The following MTURN variants were observed in gnomAD, a reference collection of about 807,000 sequenced individuals.
MTURN encodes the protein maturin.
In MTURN, 7 loss-of-function variants were observed where a neutral mutation model predicts 14.9. The observed-to-expected ratio is 0.47, with a 90% confidence interval of 0.27 to 0.88. The LOEUF (loss-of-function observed/expected upper bound fraction) is 0.88, where lower values mean the gene tolerates loss of function less well. Among genes scored for constraint, MTURN ranks in the 40% least tolerant of loss-of-function variants. The probability of loss-of-function intolerance (pLI) is 0.14; values close to 1 mark genes in which losing one functional copy is unlikely to be tolerated. For synonymous variants in MTURN, 69 were observed against 72.5 expected, an observed-to-expected ratio of 0.95 and a Z score of 0.25; for missense variants, 151 against 174.1, an observed-to-expected ratio of 0.87 and a Z score of 0.75.
Position 30,157,473 on chromosome 7 carries a change from T to G in MTURN, c.321T>G (p.Phe107Leu), listed in dbSNP as rs758423473. 1 of 1,606,100 alleles carries G rather than the reference T, an allele frequency of 6.2e-7. No homozygotes were observed. The highest frequency in any genetic ancestry group is 8.5e-7 in the Non-Finnish European group (1 of 1,176,746). Residue 107 changes from phenylalanine to leucine, a missense_variant, in exon 3 of 3, where the codon TTT becomes TTG. By Grantham distance (22) the Phe-to-Leu change is conservative. Coordinates refer to ENST00000324453, the MANE Select transcript of MTURN (RefSeq NM_152793.3). ...LGLPDADDDA[F>L]EEYSADVEEE... is the part of the protein sequence containing the mutation. ...TTCCGGATGCAGATGACGATGCGTT[T>G]GAAGAGTACAGTGCTGACGTGGAAG... is the stretch of plus-strand genomic sequence containing the variant.
intron 2 of MTURN, among the ~76,000 whole-genome samples, chr7:30,148,798 G>A (rs1462531088): frequency 6.6e-6 from 1 of 152,148 alleles, no homozygotes; most frequent in Non-Finnish European, 1.5e-5. Context: ...TTTGGGGTTG[G>A]TAATGTCAGA....
chr7:30,146,552 G>C (rs371929685), intron 2 of MTURN, among the ~76,000 whole-genome samples: 3 of 152,228 alleles, frequency 2.0e-5, no homozygotes, highest in South Asian at 4.2e-4. Flanking sequence ...TCCCTGATGG[G>C]GGGGGAAGCA....
chr7:30,149,565 C>T (rs894707916), intron 2 of MTURN, among the ~76,000 whole-genome samples: 2 of 152,136 alleles, frequency 1.3e-5, no homozygotes, highest in Non-Finnish European at 2.9e-5. Context: ...CACAGAGATC[C>T]CTGGAGAAAC....
rs762309400 is a variant in MTURN at position 30,135,227 on chromosome 7, A to T, written c.91A>T (p.Met31Leu). The T allele has an allele frequency of 4.6e-6, 7 of 1,518,358 alleles. 1 individual carries two copies. Among genetic ancestry groups the T allele is most frequent in the South Asian group, 2.4e-5 (2 of 82,636 alleles). 94.1% of individuals were successfully genotyped at this position (1,518,358 alleles called of 1,614,324 possible). ...LIATEETERR[M>L]DFYADPGVSF... ...CGCCACCGAGGAGACCGAACGCAGG[A>T]TGGATTTCTACGCCGACCCCGGCGT... The change falls in exon 1 of 3, where the codon ATG (methionine) becomes TTG (leucine). Residue 31 changes from methionine (M) to leucine (L), a missense_variant. Coordinates refer to ENST00000324453, the MANE Select transcript of MTURN (RefSeq NM_152793.3).
intron 1 of MTURN, among the ~76,000 whole-genome samples, chr7:30,137,016 C>T (rs778770350): frequency 1.3e-5 from 2 of 151,146 alleles, no homozygotes; most frequent in African/African-American, 2.5e-5. Flanking sequence ...AATATTAATG[C>T]CTGTAAGCCC....
intron 2 of MTURN, among the ~76,000 whole-genome samples, chr7:30,146,951 A>C (rs910697031): frequency 2.6e-5 from 4 of 152,208 alleles, no homozygotes; most frequent in Non-Finnish European, 5.9e-5. Flanking sequence ...TGGAAGATAA[A>C]GTCCCATCAC....
Position 30,159,013 on chromosome 7 carries a change from G to A in MTURN, c.*1465G>A, listed in dbSNP as rs1464568483. 4 of 152,106 alleles carry A rather than the reference G, an allele frequency of 2.6e-5. No homozygotes were observed. The highest frequency in any genetic ancestry group is 7.2e-5 in the African/African-American group (3 of 41,410). 9.4% of individuals were successfully genotyped at this position (152,106 alleles called of 1,614,324 possible). On this transcript the variant is annotated 3_prime_UTR_variant, in exon 3 of 3. Coordinates refer to ENST00000324453, the MANE Select transcript of MTURN (RefSeq NM_152793.3). The stretch of plus-strand genomic sequence containing the variant: ...ATGTCGGTGTAAACCTGATTGTCTC[G>A]ACATTTTCTGTTTAATTGATTGGTG...
chr7:30,146,549 T>TGG lies in MTURN; in HGVS notation c.285+257_285+258dup, dbSNP rs568761311. 4.6e-3 allele frequency among the ~76,000 whole-genome samples: 690 copies of TGG among 151,618 alleles called. 7 individuals carry two copies. Among genetic ancestry groups the TGG allele is most frequent in the African/African-American group, 0.016 (649 of 41,264 alleles). On this transcript the variant is annotated intron_variant, in intron 2 of 2. Transcript: ENST00000324453. ...CATCACTTGAGTTGAGAATCCCTGA[T>TGG]GGGGGGGGAAGCAAACAGATCCTTT...
chr7:30,146,911 T>A (rs961716444), intron 2 of MTURN, among the ~76,000 whole-genome samples: 14 of 152,242 alleles, frequency 9.2e-5, no homozygotes, highest in African/African-American at 2.9e-4. Context: ...ACTTCTATTT[T>A]GAAGATTACC....
chr7:30,157,673 T>G lies in MTURN; in HGVS notation c.*125T>G, dbSNP rs1797308342. ...GGACATCTGGCTCCCAGCATCCAAA[T>G]TAAAATGAAATACCTTTTTAACGAC... is the stretch of plus-strand genomic sequence containing the variant. On this transcript the variant is annotated 3_prime_UTR_variant, in exon 3 of 3. Transcript: ENST00000324453. 1 of 580,866 alleles carries G rather than the reference T, an allele frequency of 1.7e-6. No individual in the cohort carries two copies. The highest frequency in any genetic ancestry group is 1.9e-5 in the African/African-American group (1 of 51,502). The allele number at this position is 580,866 out of a possible 1,614,324, so 36.0% of individuals were successfully genotyped here. A position where few individuals can be genotyped will look rare whatever the true frequency, so the allele number is the denominator to read the frequency against.
Position 30,146,233 on chromosome 7 carries a change from C to T in MTURN, c.219C>T (p.Tyr73=), listed in dbSNP as rs920649851. 3 of 1,614,176 alleles carry T rather than the reference C, an allele frequency of 1.9e-6. No individual in the cohort carries two copies. Among genetic ancestry groups the T allele is most frequent in the East Asian group, 2.2e-5 (1 of 44,884 alleles). ...CTTTCTTGCAGCTAGCACAGGATTA[C>T]ATCTCCTCCTGCGGCAAGAAGACGC... The part of the protein sequence containing the change: ...CLPFLQLAQD[Y]ISSCGKKTLH... Residue 73 remains tyrosine, a synonymous_variant, in exon 2 of 3, where the codon TAC becomes TAT. Coordinates refer to ENST00000324453, the MANE Select transcript of MTURN (RefSeq NM_152793.3).
chr7:30,138,070 T>A lies in MTURN; in HGVS notation c.162+2772T>A, dbSNP rs190267345. 7.5e-4 allele frequency among the ~76,000 whole-genome samples: 114 copies of A among 152,296 alleles called. 1 individual carries two copies. The highest frequency in any genetic ancestry group is 2.6e-3 in the African/African-American group (108 of 41,560). Reference sequence around the variant, plus strand: ...TGGGTTTGCACCTCAGCTCCCCGTATTTGTGTGCCTTGGGAAAGTTATTTA... The same window carrying A: ...TGGGTTTGCACCTCAGCTCCCCGTAATTGTGTGCCTTGGGAAAGTTATTTA... On this transcript the variant is annotated intron_variant, in intron 1 of 2. Coordinates refer to ENST00000324453, the MANE Select transcript of MTURN (RefSeq NM_152793.3).
At chr7:30,153,410 T>G (rs1300949846) in intron 2 of MTURN, among the ~76,000 whole-genome samples, 1 of 152,182 alleles carries the variant, frequency 6.6e-6, no homozygotes, top group Non-Finnish European at 1.5e-5. Context: ...AAAAGATTTA[T>G]TCCCCAGCGG....
At chr7:30,146,408 T>G in intron 2 of MTURN, 109 bp downstream of exon 2, 2 of 1,472,118 alleles carry the variant, frequency 1.4e-6, no homozygotes, top group Non-Finnish European at 1.9e-6. Context: ...CTAATTGTTT[T>G]TCTCTTGTCT....
intron 2 of MTURN, among the ~76,000 whole-genome samples, chr7:30,157,036 A>G (rs181609119): frequency 6.6e-5 from 10 of 152,260 alleles, no homozygotes; most frequent in Admixed American, 4.6e-4. Flanking sequence ...AGCACCAATA[A>G]ATAATAGCAC....
intron 1 of MTURN, among the ~76,000 whole-genome samples, chr7:30,137,924 A>G (rs1796990609): frequency 6.6e-6 from 1 of 151,896 alleles, no homozygotes; most frequent in Admixed American, 6.5e-5. Context: ...ACTTTGTGCC[A>G]GGCCAGTGCT....
intron 2 of MTURN, among the ~76,000 whole-genome samples, chr7:30,155,117 TCATGCAGGACAGC>T (rs568068792): frequency 3.3e-4 from 50 of 152,298 alleles, no homozygotes; most frequent in African/African-American, 1.1e-3. Context: ...TGCGCCCTTT[TCATGCAGGACAGC>T]CATTGCTAGT....
Position 30,157,444 on chromosome 7 carries a change from G to C in MTURN, c.292G>C (p.Gly98Arg), listed in dbSNP as rs1207718191. Residue 98 changes from glycine to arginine, a missense_variant, in exon 3 of 3, where the codon GGG (glycine) becomes CGG (arginine). Coordinates refer to ENST00000324453, the MANE Select transcript of MTURN (RefSeq NM_152793.3). Reference protein sequence around the residue: ...KVFKSFRPLLGLPDADDDAFE... With the variant: ...KVFKSFRPLLRLPDADDDAFE... Reference sequence around the variant, plus strand: ...TCTTGTTCTCTCCCTGTAGTTACTGGGGCTTCCGGATGCAGATGACGATGC... The same window carrying C: ...TCTTGTTCTCTCCCTGTAGTTACTGCGGCTTCCGGATGCAGATGACGATGC... 1 of 1,596,724 alleles carries C rather than the reference G, an allele frequency of 6.3e-7. No individual in the cohort carries two copies. Among genetic ancestry groups the C allele is most frequent in the East Asian group, 2.3e-5 (1 of 43,232 alleles).
Position 30,160,598 on chromosome 7 carries a change from G to C in MTURN, c.*3050G>C, listed in dbSNP as rs1021704206. Reference sequence around the variant, plus strand: ...AGAGTGTGTGTGTATATGTGAGAGAGAGAAAGAAAGAGAAAGGAATGCTTG... The same window carrying C: ...AGAGTGTGTGTGTATATGTGAGAGACAGAAAGAAAGAGAAAGGAATGCTTG... On this transcript the variant is annotated 3_prime_UTR_variant, in exon 3 of 3. Coordinates refer to ENST00000324453, the MANE Select transcript of MTURN (RefSeq NM_152793.3). 3 of 152,002 alleles carry C rather than the reference G, an allele frequency of 2.0e-5. No individual in the cohort carries two copies. The highest frequency in any genetic ancestry group is 4.4e-5 in the Non-Finnish European group (3 of 67,988). The allele number at this position is 152,002 out of a possible 1,614,324, so 9.4% of individuals were successfully genotyped here.
Sources: gnomAD v4.1 joint callset for allele counts (sites outside exome capture counted in the v4.1 genomes callset) on GRCh38, gnomAD v4.1.1 for gene constraint, MANE v1.5 for transcripts, NCBI Gene and HGNC (gene_info 2026-07-23, HGNC 2026-07-21) for gene names.